OPCML: variants seen among roughly 807,000 people sequenced by gnomAD.
The protein encoded by OPCML is opioid-binding protein/cell adhesion molecule.
A neutral mutation model predicts 37.8 loss-of-function variants in OPCML; 13 were observed. The ratio of observed to expected loss-of-function variants is 0.34; its 90% confidence interval spans 0.22 to 0.55. The LOEUF (loss-of-function observed/expected upper bound fraction) is 0.55. Ranked by LOEUF, OPCML falls within the 20% of genes least tolerant of loss-of-function variation. The probability of loss-of-function intolerance (pLI) is 0.91; values close to 1 mark genes in which losing one functional copy is unlikely to be tolerated. For synonymous variants in OPCML, 176 were observed against 168.8 expected, an observed-to-expected ratio of 1.04 and a Z score of -0.33; for missense variants, 341 against 435.6, an observed-to-expected ratio of 0.78 and a Z score of 1.93.
intron 1 of OPCML, among the ~76,000 whole-genome samples, chr11:132,955,393 A>G (rs1442597204): frequency 6.6e-6 from 1 of 152,186 alleles, no homozygotes; most frequent in Non-Finnish European, 1.5e-5. Flanking sequence ...CAACCAACCA[A>G]TATTTAAAAA....
At chr11:132,916,508 A>T in intron 2 of OPCML, among the ~76,000 whole-genome samples, 1 of 152,188 alleles carries the variant, frequency 6.6e-6, no homozygotes, top group East Asian at 1.9e-4. Context: ...ACAGTTCCTA[A>T]GCTTGAACAC....
chr11:132,564,855 T>C (rs1247141841), intron 3 of OPCML, among the ~76,000 whole-genome samples: 1 of 152,272 alleles, frequency 6.6e-6, no homozygotes, highest in East Asian at 1.9e-4. Flanking sequence ...ACAGAAAACA[T>C]GTAAATCAGA....
At chr11:132,574,011 C>A (rs1372674685) in intron 3 of OPCML, among the ~76,000 whole-genome samples, 1 of 151,794 alleles carries the variant, frequency 6.6e-6, no homozygotes, top group African/African-American at 2.4e-5. Context: ...TTAATTGGCG[C>A]TTAATTGTTC....
chr11:133,421,521 G>A, intron 1 of OPCML: 1 of 985,374 alleles, frequency 1.0e-6, no homozygotes, highest in Non-Finnish European at 1.2e-6. Context: ...CTTCGGATTT[G>A]AACAAATTGT....
At chr11:132,686,188 G>A (rs1056264466) in intron 2 of OPCML, among the ~76,000 whole-genome samples, 1 of 152,172 alleles carries the variant, frequency 6.6e-6, no homozygotes, top group African/African-American at 2.4e-5. Context: ...AAGCAGATGT[G>A]TGCAGATCAT....
chr11:133,052,405 A>G (rs1948148214), intron 1 of OPCML, among the ~76,000 whole-genome samples: 2 of 152,228 alleles, frequency 1.3e-5, no homozygotes, highest in Non-Finnish European at 2.9e-5. Flanking sequence ...ATACTTGATG[A>G]ACAGGACTAA....
chr11:132,675,318 A>T (rs1196488392), intron 2 of OPCML, among the ~76,000 whole-genome samples: 1 of 152,016 alleles, frequency 6.6e-6, no homozygotes, highest in South Asian at 2.1e-4. Flanking sequence ...AAAATCTTGG[A>T]GACACAACCC....
At chr11:133,061,488 T>C (rs968656876) in intron 1 of OPCML, among the ~76,000 whole-genome samples, 2 of 152,184 alleles carry the variant, frequency 1.3e-5, no homozygotes, top group African/African-American at 2.4e-5. Flanking sequence ...TGGGACTAAA[T>C]TGCATTCACC....
Position 133,140,531 on chromosome 11 carries a change from T to TAATAATAAGAAGAAGAAGAAG in OPCML, c.62-197522_62-197521insCTTCTTCTTCTTCTTATTATT, listed in dbSNP as rs1272061685. Among the ~76,000 whole-genome samples, 691 of 88,062 alleles carry TAATAATAAGAAGAAGAAGAAG rather than the reference T, an allele frequency of 7.8e-3. 6 individuals are homozygous for TAATAATAAGAAGAAGAAGAAG. The highest frequency in any genetic ancestry group is 0.027 in the Middle Eastern group (4 of 146). 57.8% of individuals were successfully genotyped at this position (88,062 alleles called of 152,430 possible). ...TGTCTCAAAATAATAATAATAATAA[T>TAATAATAAGAAGAAGAAGAAG]AAGAAGAAGAAGAAGAAGAAGAAGA... is the stretch of plus-strand genomic sequence containing the variant. On this transcript the variant is annotated intron_variant, in intron 1 of 7. Coordinates refer to ENST00000524381, the MANE Select transcript of OPCML (RefSeq NM_001012393.5).
intron 3 of OPCML, among the ~76,000 whole-genome samples, chr11:132,532,785 C>T (rs1480213408): frequency 6.6e-6 from 1 of 152,150 alleles, no homozygotes; most frequent in Non-Finnish European, 1.5e-5. Context: ...AGGAGAAGCC[C>T]ATCTTCACCG....
chr11:132,449,969 GAAGTT>G (rs1392293415), intron 4 of OPCML, among the ~76,000 whole-genome samples: 1 of 152,184 alleles, frequency 6.6e-6, no homozygotes, highest in Non-Finnish European at 1.5e-5. Flanking sequence ...TCTAGGAAGT[GAAGTT>G]TGGAGGTGTG....
At chr11:133,380,118 G>A (rs554654439) in intron 1 of OPCML, among the ~76,000 whole-genome samples, 22 of 152,232 alleles carry the variant, frequency 1.4e-4, no homozygotes, top group African/African-American at 5.3e-4. Flanking sequence ...CGATCTGCTG[G>A]CAGAGGATGA....
intron 1 of OPCML, among the ~76,000 whole-genome samples, chr11:133,345,497 T>G (rs2136679836): frequency 6.6e-6 from 1 of 152,354 alleles, no homozygotes; most frequent in East Asian, 1.9e-4. Context: ...CACACTGCAC[T>G]AGAATCATCT....
chr11:132,707,841 A>G (rs1184293097), intron 2 of OPCML, among the ~76,000 whole-genome samples: 1 of 152,216 alleles, frequency 6.6e-6, no homozygotes, highest in African/African-American at 2.4e-5. Flanking sequence ...AAGCATATTT[A>G]CAGTAAACAT....
At chr11:132,554,410 G>A (rs1341970475) in intron 3 of OPCML, among the ~76,000 whole-genome samples, 2 of 152,188 alleles carry the variant, frequency 1.3e-5, no homozygotes, top group Non-Finnish European at 2.9e-5. Flanking sequence ...ATGGGTCTCA[G>A]GGCAGGAGAA....
chr11:133,008,161 A>G, intron 1 of OPCML: 2 of 985,458 alleles, frequency 2.0e-6, no homozygotes, highest in Non-Finnish European at 2.4e-6. Flanking sequence ...TTAAAATAAC[A>G]TCAGTGACCA....
chr11:133,382,412 G>A (rs546537620), intron 1 of OPCML, among the ~76,000 whole-genome samples: 3 of 152,276 alleles, frequency 2.0e-5, no homozygotes, highest in Non-Finnish European at 1.5e-5. Context: ...GCCAGGAGGG[G>A]CATTGGCCAA....
intron 1 of OPCML, among the ~76,000 whole-genome samples, chr11:132,981,154 G>A (rs1028732036): frequency 6.6e-6 from 1 of 152,222 alleles, no homozygotes; most frequent in African/African-American, 2.4e-5. Flanking sequence ...GTGCATGGTT[G>A]TATTGGGCAT....
At chr11:132,860,791 C>G (rs967789064) in intron 2 of OPCML, 3 of 152,112 alleles carry the variant, frequency 2.0e-5, no homozygotes, top group Non-Finnish European at 4.4e-5. Context: ...CTACCACCAC[C>G]CCACATAAAA....
Sources: allele counts gnomAD v4.1 joint callset (sites outside exome capture counted in the v4.1 genomes callset), GRCh38; gene constraint gnomAD v4.1.1; transcripts MANE v1.5; gene names NCBI Gene and HGNC (gene_info 2026-07-23, HGNC 2026-07-21).